The following PKD1L1 variants were observed in gnomAD, a reference collection of about 807,000 sequenced individuals.
The protein encoded by PKD1L1 is polycystin-1-like protein 1.
PKD1L1 carries 236 observed loss-of-function variants against 323.4 expected under a neutral mutation model. The observed-to-expected ratio is 0.73, with a 90% CI of 0.66 to 0.81. PKD1L1 has a LOEUF of 0.81. PKD1L1 is among the 40% of genes least tolerant of loss of function. The pLI, the probability that PKD1L1 is intolerant of heterozygous loss-of-function variation, is 0.00. For synonymous variants in PKD1L1, 1,344 were observed against 1,335.0 expected, an observed-to-expected ratio of 1.01 and a Z score of -0.15; for missense variants, 3,320 against 3,508.0, an observed-to-expected ratio of 0.95 and a Z score of 1.35.
chr7:47,856,003 T>C (rs920041725), intron 28 of PKD1L1, among the ~76,000 whole-genome samples: 6 of 151,730 alleles, frequency 4.0e-5, no homozygotes, highest in African/African-American at 1.5e-4. Context: ...TGTAATAGAG[T>C]ACATATTTGG....
At chr7:47,793,735 G>A (rs1367858285) in intron 55 of PKD1L1, among the ~76,000 whole-genome samples, 1 of 152,186 alleles carries the variant, frequency 6.6e-6, no homozygotes, top group Admixed American at 6.5e-5. Context: ...ACAGTTTGGA[G>A]GGCTCAGAAG....
intron 51 of PKD1L1, 98 bp from the exon 52 acceptor site, chr7:47,808,485 C>T (rs1469619091): frequency 1.4e-6 from 2 of 1,437,626 alleles, no homozygotes; most frequent in African/African-American, 1.4e-5. Flanking sequence ...TCATGAGTCA[C>T]TTAACTACAG....
At chr7:47,881,765 A>G in intron 20 of PKD1L1, 144 bp downstream of exon 20, 2 of 802,592 alleles carry the variant, frequency 2.5e-6, no homozygotes, top group South Asian at 2.1e-5. Context: ...GCCATAGTCC[A>G]TAGAAGAACA....
the PKD1L1 span, among the ~76,000 whole-genome samples, chr7:47,956,116 GGAGT>G: frequency 6.6e-6 from 1 of 152,142 alleles, no homozygotes; most frequent in African/African-American, 2.4e-5. Flanking sequence ...CCAGAAATTG[GGAGT>G]GAAGCTGTGA....
rs899256234 is a variant in PKD1L1 at position 47,873,939 on chromosome 7, G to C, written c.3856C>G (p.Leu1286Val). 17 of 1,613,958 alleles carry C rather than the reference G, an allele frequency of 1.1e-5. No homozygotes were observed. The highest frequency in any genetic ancestry group is 1.4e-5 in the Non-Finnish European group (17 of 1,179,992). Residue 1286 changes from leucine to valine, a missense_variant, in exon 24 of 57, where the codon CTG becomes GTG. Leu to Val is a conservative substitution (Grantham distance 32). Coordinates refer to ENST00000289672, the MANE Select transcript of PKD1L1 (RefSeq NM_138295.5). ...VQPCTVVVTVLPRYHGNDCLG... is the reference protein window; with the variant it reads ...VQPCTVVVTVVPRYHGNDCLG... The stretch of plus-strand genomic sequence containing the variant: ...CAGTCATTTCCATGGTAGCGGGGCA[G>C]CACAGTCACCACCACAGTGCACGGC...
chr7:47,787,361 C>T (rs1426663122), intron 56 of PKD1L1, among the ~76,000 whole-genome samples: 2 of 152,154 alleles, frequency 1.3e-5, no homozygotes, highest in African/African-American at 2.4e-5. Flanking sequence ...GTCCAGAAAG[C>T]GTTGTGTTTT....
At chr7:47,836,754 C>A (rs896121582) in intron 37 of PKD1L1, among the ~76,000 whole-genome samples, 167 bp downstream of exon 37, 4 of 152,214 alleles carry the variant, frequency 2.6e-5, no homozygotes, top group African/African-American at 9.6e-5. Flanking sequence ...AGTGCCACAC[C>A]GGGCAGAGCC....
intron 17 of PKD1L1, 34 bp from the exon 18 acceptor site, chr7:47,886,088 CA>C: frequency 6.4e-7 from 1 of 1,563,814 alleles, no homozygotes; most frequent in Non-Finnish European, 8.6e-7. Flanking sequence ...TAGAATTTTG[CA>C]GCAAAAATAT....
chr7:47,845,065 C>T lies in PKD1L1; in HGVS notation c.5167G>A (p.Ala1723Thr), dbSNP rs147141584. ...TTTCTCCTTAGGAGAGCGAATGCCG[C>T]GAGGCGATGGTAGCTAGGAGGGAAA... ...EKVNCSYHRL[A>T]AFALLRRKLK... Residue 1723 changes from alanine to threonine, a missense_variant, in exon 33 of 57, where the codon GCG becomes ACG. Physicochemically the swap from Ala to Thr is moderately conservative, Grantham distance 58. Coordinates refer to ENST00000289672, the MANE Select transcript of PKD1L1 (RefSeq NM_138295.5). 852 of 1,613,478 alleles carry T rather than the reference C, an allele frequency of 5.3e-4. 3 individuals are homozygous for T. The African/African-American group carries it at 9.6e-3, about 18-fold the overall frequency.
In PKD1L1 at chr7:47,835,041, T is replaced by G; in HGVS notation, c.6055-2A>C. Reference sequence around the variant, plus strand: ...CACTCGGGCAGACCCCGGGGCTTCCTGCAGAAGGAAAGAGGTGGTTCGCCA... The same window carrying G: ...CACTCGGGCAGACCCCGGGGCTTCCGGCAGAAGGAAAGAGGTGGTTCGCCA... On this transcript the variant is annotated splice_acceptor_variant, in intron 38 of 56. Coordinates refer to ENST00000289672, the MANE Select transcript of PKD1L1 (RefSeq NM_138295.5). LOFTEE classifies it high-confidence loss of function. The G allele has an allele frequency of 6.2e-7, 1 of 1,613,728 alleles. No individual in the cohort carries two copies. Among genetic ancestry groups the G allele is most frequent in the Non-Finnish European group, 8.5e-7 (1 of 1,179,796 alleles).
At chr7:47,938,419 T>C (rs1562999325) in intron 3 of PKD1L1, among the ~76,000 whole-genome samples, 1 of 152,088 alleles carries the variant, frequency 6.6e-6, no homozygotes, top group African/African-American at 2.4e-5. Flanking sequence ...CCTGGCAGTT[T>C]CCTGAGGATG....
Position 47,811,934 on chromosome 7 carries a change from G to A in PKD1L1, c.7464C>T (p.Ser2488=), listed in dbSNP as rs371672840. The A allele has an allele frequency of 7.5e-6, 12 of 1,606,742 alleles. No homozygotes were observed. Among genetic ancestry groups the A allele is most frequent in the African/African-American group, 5.3e-5 (4 of 74,786 alleles). Reference sequence around the variant, plus strand: ...GGAGGATCTCCACTCTCAGGGACACGCTGGTGAAGAGTTGGGTTGGAGGGT... The same window carrying A: ...GGAGGATCTCCACTCTCAGGGACACACTGGTGAAGAGTTGGGTTGGAGGGT... ...LYNPPTQLFT[S]VSLRVEILPT... The change falls in exon 50 of 57, where the codon AGC becomes AGT. Residue 2488 remains serine, a synonymous_variant. Coordinates refer to ENST00000289672, the MANE Select transcript of PKD1L1 (RefSeq NM_138295.5).
At chr7:47,918,129 AG>A (rs1269114208) in intron 7 of PKD1L1, among the ~76,000 whole-genome samples, 1 of 152,192 alleles carries the variant, frequency 6.6e-6, no homozygotes, top group Non-Finnish European at 1.5e-5. Context: ...CTTAAGGTAA[AG>A]TGGTAGAAAA....
chr7:47,901,327 C>CAA lies in PKD1L1; in HGVS notation c.2064+1050_2064+1051dup, dbSNP rs71699736. On this transcript the variant is annotated intron_variant, in intron 13 of 56. Transcript: ENST00000289672. ...CACTCCAGCCTGGGCAACAGAGTCT[C>CAA]AAAAAAAAAAAAAAAAAAAAAGAAA... Among the ~76,000 whole-genome samples, 71 of 62,322 alleles carry CAA rather than the reference C, an allele frequency of 1.1e-3. 1 individual carries two copies. The highest frequency in any genetic ancestry group is 1.4e-3 in the Admixed American group (8 of 5,524). 40.9% of individuals were successfully genotyped at this position (62,322 alleles called of 152,430 possible).
chr7:47,820,805 T>G (rs182229711), intron 46 of PKD1L1, among the ~76,000 whole-genome samples: 1 of 152,212 alleles, frequency 6.6e-6, no homozygotes, highest in East Asian at 1.9e-4. Flanking sequence ...AGAAGAACTC[T>G]GAGGTCTCCA....
intron 23 of PKD1L1, among the ~76,000 whole-genome samples, chr7:47,875,549 T>C (rs1410177575): frequency 1.3e-5 from 2 of 152,214 alleles, no homozygotes; most frequent in Admixed American, 6.5e-5. Context: ...CCTTCCTAAA[T>C]GGCTGCATGT....
intron 24 of PKD1L1, among the ~76,000 whole-genome samples, chr7:47,873,674 AGGAG>A (rs1786336078): frequency 4.0e-3 from 524 of 131,192 alleles, no homozygotes; most frequent in African/African-American, 5.4e-3. Flanking sequence ...AAAAAAAAGA[AGGAG>A]AAGAAAGTAG....
chr7:47,846,102 C>T (rs1448865326), intron 32 of PKD1L1, among the ~76,000 whole-genome samples: 1 of 152,140 alleles, frequency 6.6e-6, no homozygotes, highest in African/African-American at 2.4e-5. Flanking sequence ...AATTGCACTG[C>T]TACGGTATGA....
chr7:47,814,715 T>C lies in PKD1L1; in HGVS notation c.7089+619A>G, dbSNP rs892913872. 3.3e-5 allele frequency among the ~76,000 whole-genome samples: 5 copies of C among 152,288 alleles called. No individual in the cohort carries two copies. In the South Asian group the frequency reaches 6.2e-4, roughly 19 times the overall value. On this transcript the variant is annotated intron_variant, in intron 47 of 56. Transcript: ENST00000289672. Reference sequence around the variant, plus strand: ...TTTTAGTAGAGACAGGGTTTCCCCATGTTGGCCAGGCTGGTCTCGAACTCC... The same window carrying C: ...TTTTAGTAGAGACAGGGTTTCCCCACGTTGGCCAGGCTGGTCTCGAACTCC...
Sources: allele counts gnomAD v4.1 joint callset (sites outside exome capture counted in the v4.1 genomes callset), GRCh38; gene constraint gnomAD v4.1.1; transcripts MANE v1.5; gene names NCBI Gene and HGNC (gene_info 2026-07-23, HGNC 2026-07-21).